The following CYP2C19 variants were observed in gnomAD, a reference collection of about 807,000 sequenced individuals.
The protein encoded by CYP2C19 is cytochrome P450 2C19.
In CYP2C19, 59 loss-of-function variants were observed where a neutral mutation model predicts 40.9. That is an observed-to-expected ratio of 1.44 (90% CI 1.17 to 1.79). The LOEUF (loss-of-function observed/expected upper bound fraction) is 1.79, where lower values mean the gene tolerates loss of function less well. Among genes scored for constraint, CYP2C19 ranks in the 40% most tolerant of loss-of-function variants. The pLI is 0.00. For missense variants in CYP2C19, 754 were observed against 596.9 expected, an observed-to-expected ratio of 1.26 and a Z score of -2.74; for synonymous variants, 253 against 208.7, an observed-to-expected ratio of 1.21 and a Z score of -1.83.
rs1460363311 is a variant in CYP2C19 at position 94,781,952 on chromosome 10, C to T, written c.774C>T (p.Asn258=). The change falls in exon 5 of 9, where the codon AAC becomes AAT. Residue 258 remains asparagine (N), a synonymous_variant. Transcript: ENST00000371321. ...VKEHQESMDI[N]NPRDFIDCFL... ...AACACCAAGAATCGATGGACATCAA[C>T]AACCCTCGGGACTTTATTGATTGCT... The T allele has an allele frequency of 3.3e-6, 5 of 1,522,566 alleles. No homozygotes were observed. Among genetic ancestry groups the T allele is most frequent in the African/African-American group, 1.4e-5 (1 of 69,112 alleles). 94.3% of individuals were successfully genotyped at this position (1,522,566 alleles called of 1,614,324 possible).
At chr10:94,810,741 A>T (rs903362938) in intron 5 of CYP2C19, among the ~76,000 whole-genome samples, 4 of 151,854 alleles carry the variant, frequency 2.6e-5, no homozygotes, top group Non-Finnish European at 1.5e-5. Flanking sequence ...TATCCCCTTT[A>T]TCATTTTTTT....
chr10:94,829,311 T>C (rs1482486169), intron 6 of CYP2C19, among the ~76,000 whole-genome samples: 7 of 152,236 alleles, frequency 4.6e-5, no homozygotes, highest in South Asian at 2.1e-4. Context: ...CAATCCGAAG[T>C]AGATTTGGTC....
At chr10:94,771,509 A>G (rs993874786) in intron 1 of CYP2C19, among the ~76,000 whole-genome samples, 1 of 152,038 alleles carries the variant, frequency 6.6e-6, no homozygotes, top group African/African-American at 2.4e-5. Context: ...TCAGTTGGCC[A>G]TTTTTCCCCA....
At chr10:94,800,394 G>A (rs576860156) in intron 5 of CYP2C19, among the ~76,000 whole-genome samples, 12 of 152,312 alleles carry the variant, frequency 7.9e-5, no homozygotes, top group Non-Finnish European at 1.8e-4. Flanking sequence ...TTCTCTGGAA[G>A]CTTCATCCCA....
At chr10:94,791,812 C>T (rs1043340165) in intron 5 of CYP2C19, among the ~76,000 whole-genome samples, 2 of 151,996 alleles carry the variant, frequency 1.3e-5, no homozygotes, top group Admixed American at 6.6e-5. Context: ...GGAATAAGTG[C>T]AATGTGGTGC....
chr10:94,792,578 G>A lies in CYP2C19; in HGVS notation c.819+10581G>A, dbSNP rs193225725. Among the ~76,000 whole-genome samples, 23 of 152,196 alleles carry A rather than the reference G, an allele frequency of 1.5e-4. 1 individual carries two copies. Among genetic ancestry groups the A allele is most frequent in the East Asian group, 7.7e-4 (4 of 5,182 alleles). On this transcript the variant is annotated intron_variant, in intron 5 of 8. Coordinates refer to ENST00000371321, the MANE Select transcript of CYP2C19 (RefSeq NM_000769.4). ...TGACAAAATTCTTCAGCATTAGCTCGTCTGTAAAGGATTTTATTTCTCCTT... is the reference window on the plus strand; with the variant it reads ...TGACAAAATTCTTCAGCATTAGCTCATCTGTAAAGGATTTTATTTCTCCTT...
chr10:94,805,221 T>C (rs1469041496), intron 5 of CYP2C19, among the ~76,000 whole-genome samples: 2 of 152,130 alleles, frequency 1.3e-5, no homozygotes, highest in Non-Finnish European at 2.9e-5. Context: ...TTTATTATGG[T>C]AAGGGAGTTT....
Position 94,820,500 on chromosome 10 carries a change from A to T in CYP2C19, c.824A>T (p.Lys275Met), listed in dbSNP as rs1431015009. ...ATTGCATCAAATCATTCCTAGGAAA[A>T]GCAAAACCAACAGTCTGAATTCACT... ...DCFLIKMEKE[K>M]QNQQSEFTIE... The change falls in exon 6 of 9, where the codon AAG (lysine) becomes ATG (methionine). Residue 275 changes from lysine to methionine, a missense_variant. Physicochemically the swap from Lys to Met is moderately conservative, Grantham distance 95. Coordinates refer to ENST00000371321, the MANE Select transcript of CYP2C19 (RefSeq NM_000769.4). The T allele has an allele frequency of 1.9e-6, 3 of 1,614,048 alleles. No homozygotes were observed. The highest frequency in any genetic ancestry group is 2.5e-6 in the Non-Finnish European group (3 of 1,180,008).
intron 7 of CYP2C19, among the ~76,000 whole-genome samples, chr10:94,849,637 C>G (rs1223929753): frequency 4.1e-5 from 5 of 121,592 alleles, no homozygotes; most frequent in African/African-American, 1.5e-4. Context: ...CCCCCTCCCC[C>G]CACCCCACAA....
Position 94,797,524 on chromosome 10 carries a change from C to T in CYP2C19, c.819+15527C>T, listed in dbSNP as rs558851965. Among the ~76,000 whole-genome samples the T allele has an allele frequency of 3.7e-3, 566 of 152,126 alleles. 2 individuals are homozygous for T. The highest frequency in any genetic ancestry group is 5.9e-3 in the Non-Finnish European group (398 of 67,992). ...CTCATAAAATTAGTTAGGGAGGATT[C>T]CATCTTTTTCTCTTGGTTGGTATAA... On this transcript the variant is annotated intron_variant, in intron 5 of 8. Transcript: ENST00000371321.
intron 6 of CYP2C19, among the ~76,000 whole-genome samples, chr10:94,836,582 C>G (rs1351659233): frequency 6.6e-6 from 1 of 152,172 alleles, no homozygotes; most frequent in African/African-American, 2.4e-5. Context: ...TTCACCATAC[C>G]TGGGAATCCA....
chr10:94,846,164 A>G (rs1489046764), intron 7 of CYP2C19, among the ~76,000 whole-genome samples: 1 of 152,088 alleles, frequency 6.6e-6, no homozygotes, highest in Non-Finnish European at 1.5e-5. Context: ...TAATTCGGGT[A>G]TGTTGTCATT....
intron 5 of CYP2C19, among the ~76,000 whole-genome samples, chr10:94,798,085 G>A (rs954739612): frequency 2.0e-5 from 3 of 151,678 alleles, no homozygotes; most frequent in Non-Finnish European, 4.4e-5. Context: ...TGTGAGTTTT[G>A]GTGTCAATTT....
Position 94,842,822 on chromosome 10 carries a change from C to T in CYP2C19, c.962-15C>T. ...TTCTCTCCTTTTCCATCAGTTCTTA[C>T]TTGTGTCTTGTCAGCTAAAGTCCAG... On this transcript the variant is annotated splice_polypyrimidine_tract_variant and intron_variant, in intron 6 of 8. Coordinates refer to ENST00000371321, the MANE Select transcript of CYP2C19 (RefSeq NM_000769.4). 6.2e-7 allele frequency: 1 copy of T among 1,613,928 alleles called. No individual in the cohort carries two copies. Among genetic ancestry groups the T allele is most frequent in the Admixed American group, 1.7e-5 (1 of 60,016 alleles).
At chr10:94,805,369 AC>A (rs1848818300) in intron 5 of CYP2C19, among the ~76,000 whole-genome samples, 1 of 151,978 alleles carries the variant, frequency 6.6e-6, no homozygotes, top group South Asian at 2.1e-4. Flanking sequence ...TTGTTGAACC[AC>A]CCTTGCATTT....
chr10:94,815,832 C>A (rs1440868858), intron 5 of CYP2C19, among the ~76,000 whole-genome samples: 1 of 152,118 alleles, frequency 6.6e-6, no homozygotes, highest in Non-Finnish European at 1.5e-5. Flanking sequence ...TGTTTTTATA[C>A]AATTTCAACT....
Position 94,827,869 on chromosome 10 carries a change from G to T in CYP2C19, c.961+7232G>T, listed in dbSNP as rs910577199. ...AGAGATTCTGGTATGTTGTGTCTTT[G>T]TTCTTGTTGGTTTCAAAGAACATCT... On this transcript the variant is annotated intron_variant, in intron 6 of 8. Coordinates refer to ENST00000371321, the MANE Select transcript of CYP2C19 (RefSeq NM_000769.4). Among the ~76,000 whole-genome samples the T allele has an allele frequency of 2.4e-3, 361 of 151,696 alleles. 2 individuals are homozygous for T. Among genetic ancestry groups the T allele is most frequent in the African/African-American group, 8.2e-3 (340 of 41,214 alleles).
intron 5 of CYP2C19, among the ~76,000 whole-genome samples, chr10:94,813,835 A>G (rs910888881): frequency 6.6e-6 from 1 of 151,656 alleles, no homozygotes; most frequent in Non-Finnish European, 1.5e-5. Context: ...TGGGGCATAA[A>G]AAAAACCCCT....
Position 94,789,120 on chromosome 10 carries a change from G to A in CYP2C19, c.819+7123G>A, listed in dbSNP as rs192432605. Among the ~76,000 whole-genome samples, 256 of 151,936 alleles carry A rather than the reference G, an allele frequency of 1.7e-3. 3 individuals are homozygous for A. Among genetic ancestry groups the A allele is most frequent in the Admixed American group, 3.1e-3 (48 of 15,254 alleles). On this transcript the variant is annotated intron_variant, in intron 5 of 8. Coordinates refer to ENST00000371321, the MANE Select transcript of CYP2C19 (RefSeq NM_000769.4). ...AGTGATGACGAGCTTTTTTTCATATGTTTTTTGGCCACATAGATGTCTTCT... is the reference window on the plus strand; with the variant it reads ...AGTGATGACGAGCTTTTTTTCATATATTTTTTGGCCACATAGATGTCTTCT...
Sources: allele counts gnomAD v4.1 joint callset (sites outside exome capture counted in the v4.1 genomes callset), GRCh38; gene constraint gnomAD v4.1.1; transcripts MANE v1.5; gene names NCBI Gene and HGNC (gene_info 2026-07-23, HGNC 2026-07-21).